The following AP1S3 variants were observed in gnomAD, a reference collection of about 807,000 sequenced individuals.
AP1S3 encodes the protein adaptor related protein complex 1 subunit sigma 3, also known as AP-1 complex subunit sigma-3.
In AP1S3, 10 loss-of-function variants were observed where a neutral mutation model predicts 20.9. The ratio of observed to expected loss-of-function variants is 0.48; its 90% confidence interval spans 0.29 to 0.81. The LOEUF is 0.81. AP1S3 is among the 30% of genes least tolerant of loss of function. The pLI, the probability that AP1S3 is intolerant of heterozygous loss-of-function variation, is 0.08. For synonymous variants in AP1S3, 41 were observed against 61.5 expected (o/e 0.67, Z 1.56); for missense variants, 154 against 183.8 (o/e 0.84, Z 0.94).
intron 1 of AP1S3, among the ~76,000 whole-genome samples, chr2:223,822,115 C>T (rs1692001201): frequency 6.6e-6 from 1 of 152,166 alleles, no homozygotes; most frequent in African/African-American, 2.4e-5. Flanking sequence ...CCTGGCCAGG[C>T]ACAGTGGTTC....
intron 1 of AP1S3, among the ~76,000 whole-genome samples, chr2:223,790,082 G>C (rs955746110): frequency 6.6e-6 from 1 of 152,106 alleles, no homozygotes; most frequent in South Asian, 2.1e-4. Flanking sequence ...TGAGATTCCA[G>C]GAAGACAGTT....
chr2:223,760,693 A>G (rs534488579), intron 4 of AP1S3, among the ~76,000 whole-genome samples: 1 of 152,324 alleles, frequency 6.6e-6, no homozygotes, highest in South Asian at 2.1e-4. Flanking sequence ...CAAATACAAA[A>G]TCAGGTATAA....
intron 1 of AP1S3, among the ~76,000 whole-genome samples, chr2:223,813,331 G>T (rs1691776558): frequency 6.6e-6 from 1 of 152,108 alleles, no homozygotes; most frequent in South Asian, 2.1e-4. Context: ...TGGAGATGGT[G>T]TTCAGCCTCT....
At chr2:223,831,922 A>G (rs564184326) in intron 1 of AP1S3, among the ~76,000 whole-genome samples, 1 of 152,084 alleles carries the variant, frequency 6.6e-6, no homozygotes, top group South Asian at 2.1e-4. Flanking sequence ...TAAAAATACA[A>G]AAAAATTAGC....
intron 1 of AP1S3, among the ~76,000 whole-genome samples, chr2:223,808,881 A>G (rs1235446066): frequency 6.6e-5 from 10 of 152,136 alleles, no homozygotes; most frequent in Admixed American, 6.5e-4. Context: ...CTGTGGTCCC[A>G]GCTACTGGGA....
intron 1 of AP1S3, among the ~76,000 whole-genome samples, chr2:223,780,302 TATATATAGAGAG>T (rs1218251756): frequency 9.5e-4 from 47 of 49,466 alleles, no homozygotes; most frequent in South Asian, 6.4e-3. Flanking sequence ...TATATATATA[TATATATAGAGAG>T]AGAGAGAGAG....
intron 1 of AP1S3, among the ~76,000 whole-genome samples, chr2:223,783,942 G>A (rs1022878205): frequency 6.6e-6 from 1 of 152,134 alleles, no homozygotes; most frequent in Non-Finnish European, 1.5e-5. Flanking sequence ...CAACCAACCC[G>A]ACAGGCCCTC....
At chr2:223,837,204 C>CGAAT (rs1056367406) in intron 1 of AP1S3, among the ~76,000 whole-genome samples, 2 of 151,528 alleles carry the variant, frequency 1.3e-5, no homozygotes, top group African/African-American at 2.4e-5. Context: ...TAAGGCGGAT[C>CGAAT]GAATGAATGA....
intron 1 of AP1S3, among the ~76,000 whole-genome samples, chr2:223,817,726 G>C (rs916884015): frequency 1.3e-5 from 2 of 151,968 alleles, no homozygotes; most frequent in Admixed American, 6.6e-5. Flanking sequence ...AACTGGAATG[G>C]AGATAGACAC....
At chr2:223,797,689 C>T (rs1201660647) in intron 1 of AP1S3, among the ~76,000 whole-genome samples, 1 of 152,074 alleles carries the variant, frequency 6.6e-6, no homozygotes, top group Non-Finnish European at 1.5e-5. Flanking sequence ...TCACTTGAAC[C>T]CGGGGGGCAG....
intron 4 of AP1S3, among the ~76,000 whole-genome samples, chr2:223,762,701 T>C (rs1027812647): frequency 6.6e-6 from 1 of 152,206 alleles, no homozygotes; most frequent in Non-Finnish European, 1.5e-5. Flanking sequence ...CACCACACGC[T>C]CAGAATAAGC....
At chr2:223,774,168 T>C (rs1020793081) in intron 3 of AP1S3, among the ~76,000 whole-genome samples, 6 of 152,026 alleles carry the variant, frequency 3.9e-5, no homozygotes, top group Non-Finnish European at 8.8e-5. Context: ...AGTTCAAGAC[T>C]AGCCTGGCCA....
chr2:223,797,712 G>A (rs1691376130), intron 1 of AP1S3, among the ~76,000 whole-genome samples: 1 of 152,180 alleles, frequency 6.6e-6, no homozygotes, highest in Non-Finnish European at 1.5e-5. Flanking sequence ...GTTGCAGTGA[G>A]CTGAGATCGT....
In AP1S3 at chr2:223,777,845, G is replaced by A. The variant is rs1372202707; in HGVS notation, c.28C>T (p.Arg10Ter). Reference protein sequence around the residue: MIHFILLFSRQGKLRLQKWY... With the variant: MIHFILLFS The stretch of plus-strand genomic sequence containing the variant: ...TTCTGTAGCCGTAATTTCCCTTGTC[G>A]ACTGAAGAGCAATATGAAATGTATC... The change falls in exon 2 of 5, where the codon CGA (arginine) becomes TGA (stop). Residue 10 changes from arginine (R) to a stop codon, truncating the protein, a stop_gained. Transcript: ENST00000396654. LOFTEE classifies it high-confidence loss of function. The A allele has an allele frequency of 1.9e-5, 30 of 1,613,526 alleles. No homozygotes were observed. The highest frequency in any genetic ancestry group is 1.2e-4 in the Admixed American group (7 of 59,928).
chr2:223,781,545 GGGAAACAT>G (rs1270417427), intron 1 of AP1S3, among the ~76,000 whole-genome samples: 1 of 151,770 alleles, frequency 6.6e-6, no homozygotes, highest in African/African-American at 2.4e-5. Context: ...AGAGTAGCCT[GGGAAACAT>G]AGCAAGACCC....
At chr2:223,811,937 A>G (rs575795274) in intron 1 of AP1S3, among the ~76,000 whole-genome samples, 18 of 152,340 alleles carry the variant, frequency 1.2e-4, no homozygotes, top group Non-Finnish European at 1.3e-4. Context: ...CTACATGTTT[A>G]TGTAAGTTGA....
intron 1 of AP1S3, among the ~76,000 whole-genome samples, chr2:223,780,276 AATATATATATATATATATAT>A (rs138804582): frequency 1.6e-4 from 4 of 24,382 alleles, no homozygotes; most frequent in Non-Finnish European, 2.9e-4. Context: ...ATGCCTGGCT[AATATATATATATATATATAT>A]ATATATATAT....
chr2:223,804,366 G>C (rs774225133), intron 1 of AP1S3, among the ~76,000 whole-genome samples: 3 of 152,080 alleles, frequency 2.0e-5, no homozygotes, highest in Non-Finnish European at 4.4e-5. Flanking sequence ...CTTTCTTCTA[G>C]TTTTCCAGGT....
chr2:223,756,024 C>T lies in AP1S3; in HGVS notation c.*2691G>A, dbSNP rs1690204021. 1 of 985,408 alleles carries T rather than the reference C, an allele frequency of 1.0e-6. No individual in the cohort carries two copies. The highest frequency in any genetic ancestry group is 1.2e-6 in the Non-Finnish European group (1 of 829,932). 61.0% of individuals were successfully genotyped at this position (985,408 alleles called of 1,614,324 possible). A position where few individuals can be genotyped will look rare whatever the true frequency, so the allele number is the denominator to read the frequency against. On this transcript the variant is annotated 3_prime_UTR_variant, in exon 5 of 5. Transcript: ENST00000396654. ...TATGATGGATTTACATGAGGTCCAT[C>T]TTTACAAAATTGTATTGAAAAATAA...
Sources: allele counts gnomAD v4.1 joint callset (sites outside exome capture counted in the v4.1 genomes callset), GRCh38; gene constraint gnomAD v4.1.1; transcripts MANE v1.5; gene names NCBI Gene and HGNC (gene_info 2026-07-23, HGNC 2026-07-21).